The following NAALADL2 variants were observed in gnomAD, a reference collection of about 807,000 sequenced individuals.
NAALADL2 encodes the protein inactive N-acetylated-alpha-linked acidic dipeptidase-like protein 2.
NAALADL2 carries 76 observed loss-of-function variants against 87.2 expected under a neutral mutation model. That is an observed-to-expected ratio of 0.87 (90% CI 0.72 to 1.05). The LOEUF (loss-of-function observed/expected upper bound fraction) is 1.05, where lower values mean the gene tolerates loss of function less well. Ranked by LOEUF, NAALADL2 falls within the 50% of genes least tolerant of loss-of-function variation. The pLI, the probability that NAALADL2 is intolerant of heterozygous loss-of-function variation, is 0.00. For synonymous variants in NAALADL2, 354 were observed against 331.0 expected, an observed-to-expected ratio of 1.07 and a Z score of -0.75; for missense variants, 1,089 against 945.8, an observed-to-expected ratio of 1.15 and a Z score of -1.99.
chr3:174,598,916 T>C (rs1171775930), intron 2 of NAALADL2, among the ~76,000 whole-genome samples: 1 of 152,168 alleles, frequency 6.6e-6, no homozygotes, highest in African/African-American at 2.4e-5. Flanking sequence ...CATACGTCTG[T>C]GGCAGCCATA....
intron 1 of NAALADL2, among the ~76,000 whole-genome samples, chr3:175,042,246 A>T (rs890958417): frequency 6.6e-6 from 1 of 152,176 alleles, no homozygotes; most frequent in Non-Finnish European, 1.5e-5. Flanking sequence ...CAAATGGCAG[A>T]ATTTCCTTCT....
At chr3:175,416,792 G>T (rs944295628) in intron 5 of NAALADL2, among the ~76,000 whole-genome samples, 2 of 151,956 alleles carry the variant, frequency 1.3e-5, no homozygotes, top group Admixed American at 1.3e-4. Flanking sequence ...AAGTGAGAAA[G>T]TATTAACTGA....
At chr3:175,049,928 G>T (rs531444742) in intron 1 of NAALADL2, among the ~76,000 whole-genome samples, 1 of 152,192 alleles carries the variant, frequency 6.6e-6, no homozygotes, top group Non-Finnish European at 1.5e-5. Context: ...TAATGTTGTT[G>T]TGAAAAAAAT....
At chr3:174,816,834 A>G (rs974900967) in intron 3 of NAALADL2, among the ~76,000 whole-genome samples, 3 of 152,322 alleles carry the variant, frequency 2.0e-5, no homozygotes, top group Admixed American at 1.3e-4. Flanking sequence ...GCAAGGCAAC[A>G]CTGAGATTTC....
chr3:174,678,125 G>T (rs1727213398), intron 2 of NAALADL2, among the ~76,000 whole-genome samples: 1 of 152,122 alleles, frequency 6.6e-6, no homozygotes, highest in Non-Finnish European at 1.5e-5. Context: ...GACAGGCCAT[G>T]AATAATGAGG....
At chr3:175,108,424 G>T (rs1226277856) in intron 2 of NAALADL2, among the ~76,000 whole-genome samples, 1 of 151,940 alleles carries the variant, frequency 6.6e-6, no homozygotes, top group African/African-American at 2.4e-5. Flanking sequence ...AACAAAAGAA[G>T]CAGTTCCAAT....
At chr3:174,693,832 C>T (rs1055474199) in intron 2 of NAALADL2, among the ~76,000 whole-genome samples, 1 of 152,088 alleles carries the variant, frequency 6.6e-6, no homozygotes, top group Non-Finnish European at 1.5e-5. Context: ...GTGCCACTCT[C>T]CCTCTTCTAG....
intron 5 of NAALADL2, among the ~76,000 whole-genome samples, chr3:175,396,619 C>T (rs1769827868): frequency 6.6e-6 from 1 of 151,996 alleles, no homozygotes; most frequent in African/African-American, 2.4e-5. Context: ...TTTGGTTATA[C>T]TTACTGACAT....
intron 5 of NAALADL2, among the ~76,000 whole-genome samples, chr3:175,336,816 A>G (rs945291912): frequency 6.6e-6 from 1 of 152,150 alleles, no homozygotes; most frequent in Non-Finnish European, 1.5e-5. Flanking sequence ...TTAAACACAA[A>G]TTTGAACAAA....
intron 2 of NAALADL2, among the ~76,000 whole-genome samples, chr3:174,735,788 C>T (rs1471730065): frequency 6.6e-6 from 1 of 152,134 alleles, no homozygotes; most frequent in Non-Finnish European, 1.5e-5. Flanking sequence ...CAGGGTGATG[C>T]TTTTCTGTTT....
At chr3:174,469,405 G>A (rs781514716) in intron 1 of NAALADL2, among the ~76,000 whole-genome samples, 1 of 150,766 alleles carries the variant, frequency 6.6e-6, no homozygotes, top group African/African-American at 2.4e-5. Flanking sequence ...CTACAGGCGT[G>A]TGCCACCACG....
chr3:175,490,348 C>G (rs1727875662), intron 9 of NAALADL2, among the ~76,000 whole-genome samples: 1 of 151,752 alleles, frequency 6.6e-6, no homozygotes, highest in African/African-American at 2.4e-5. Context: ...AATCTTTTTC[C>G]TCGCTTAAAA....
chr3:174,763,369 A>T (rs1713303793), intron 3 of NAALADL2, among the ~76,000 whole-genome samples: 1 of 151,798 alleles, frequency 6.6e-6, no homozygotes, highest in South Asian at 2.1e-4. Context: ...CAGGTAGATT[A>T]TGAGGACAGG....
In NAALADL2 at chr3:174,552,177, C is replaced by T. The variant is rs373852834; in HGVS notation, c.-115+1540C>T. 2.0e-5 allele frequency among the ~76,000 whole-genome samples: 3 copies of T among 152,066 alleles called. No homozygotes were observed. In the East Asian group the frequency reaches 5.8e-4, roughly 29 times the overall value. Reference sequence around the variant, plus strand: ...CAAATTTTCTATATTGTCTTCCAATCGTTGGAACACTTTCAAATATAACGT... The same window carrying T: ...CAAATTTTCTATATTGTCTTCCAATTGTTGGAACACTTTCAAATATAACGT... On this transcript the variant is annotated intron_variant, in intron 2 of 3. Transcript: ENST00000434257.
At chr3:174,649,094 G>T (rs1306507551) in intron 2 of NAALADL2, among the ~76,000 whole-genome samples, 1 of 152,072 alleles carries the variant, frequency 6.6e-6, no homozygotes, top group Non-Finnish European at 1.5e-5. Context: ...CTCCCAAGTA[G>T]CTGGGATTAC....
intron 11 of NAALADL2, among the ~76,000 whole-genome samples, chr3:175,651,652 A>C (rs1730783684): frequency 6.6e-6 from 1 of 152,328 alleles, no homozygotes; most frequent in South Asian, 2.1e-4. Context: ...TTAAGGTATG[A>C]AATTATTTTT....
chr3:175,270,362 A>G (rs922914364), intron 4 of NAALADL2, among the ~76,000 whole-genome samples: 2 of 152,206 alleles, frequency 1.3e-5, no homozygotes, highest in East Asian at 3.8e-4. Flanking sequence ...GTAAAAATCA[A>G]CTAGTAGGTT....
chr3:174,819,058 CTTTTTT>C (rs3040106), intron 3 of NAALADL2, among the ~76,000 whole-genome samples: 41 of 47,536 alleles, frequency 8.6e-4, no homozygotes, highest in East Asian at 3.6e-3. Context: ...ACCATTTATT[CTTTTTT>C]TTTTTTTTTT....
chr3:174,925,649 A>G (rs752123779), intron 1 of NAALADL2, among the ~76,000 whole-genome samples: 1 of 152,164 alleles, frequency 6.6e-6, no homozygotes, highest in African/African-American at 2.4e-5. Context: ...CATTGAATCT[A>G]TAAATTACCT....
Sources: allele counts gnomAD v4.1 joint callset (sites outside exome capture counted in the v4.1 genomes callset), GRCh38; gene constraint gnomAD v4.1.1; transcripts MANE v1.5; gene names NCBI Gene and HGNC (gene_info 2026-07-23, HGNC 2026-07-21).